Variants in FGGY observed in about 807,000 individuals in gnomAD.
FGGY encodes the protein FGGY carbohydrate kinase domain containing.
A neutral mutation model predicts 71.3 loss-of-function variants in FGGY; 72 were observed. The ratio of observed to expected loss-of-function variants is 1.01; its 90% CI spans 0.84 to 1.23. FGGY has a LOEUF of 1.23. Among genes scored for constraint, FGGY ranks in the 50% most tolerant of loss-of-function variants. The probability of loss-of-function intolerance (pLI) is 0.00; values close to 1 mark genes in which losing one functional copy is unlikely to be tolerated. For missense variants in FGGY, 668 were observed against 682.3 expected (o/e 0.98, Z 0.23); for synonymous variants, 251 against 250.3 (o/e 1.00, Z -0.02).
chr1:59,625,917 AAT>A, intron 9 of FGGY, 69 bp from the exon 10 acceptor site: 1 of 1,169,920 alleles, frequency 8.5e-7, no homozygotes, highest in Non-Finnish European at 1.2e-6. Context: ...TACTCATTTT[AAT>A]ATAAATTTTT....
chr1:59,487,545 G>A (rs149549410), intron 6 of FGGY, among the ~76,000 whole-genome samples: 1,839 of 152,182 alleles, frequency 0.012, 34 homozygotes, highest in African/African-American at 0.042. Flanking sequence ...CTTCTCACCC[G>A]CCTTCAGGAA....
intron 13 of FGGY, among the ~76,000 whole-genome samples, chr1:59,671,259 A>C (rs543642007): frequency 7.9e-5 from 12 of 152,278 alleles, no homozygotes; most frequent in African/African-American, 2.9e-4. Context: ...ACAGATACAC[A>C]CTCCAGTTAG....
intron 14 of FGGY, among the ~76,000 whole-genome samples, chr1:59,721,334 T>C (rs1259393854): frequency 1.2e-5 from 1 of 83,392 alleles, no homozygotes; most frequent in Non-Finnish European, 2.4e-5. Flanking sequence ...TTTTCTTTCC[T>C]TTGTTTTTTT....
At chr1:59,346,508 C>T in intron 4 of FGGY, 110 bp downstream of exon 4, 1 of 1,263,352 alleles carries the variant, frequency 7.9e-7, no homozygotes, top group South Asian at 1.5e-5. Flanking sequence ...TTGATTTTTC[C>T]CAGCAACTAG....
intron 5 of FGGY, among the ~76,000 whole-genome samples, chr1:59,446,521 G>A (rs541091551): frequency 1.2e-3 from 179 of 152,290 alleles, no homozygotes; most frequent in Middle Eastern, 0.01. Flanking sequence ...AAGCTGCTCC[G>A]ATTGGTGCAG....
chr1:59,301,775 G>A (rs1268769106), intron 1 of FGGY, among the ~76,000 whole-genome samples: 3 of 132,486 alleles, frequency 2.3e-5, no homozygotes, highest in East Asian at 2.3e-4. Context: ...GTGAAGTGGC[G>A]TGATCTCGGC....
At chr1:59,697,616 G>C (rs1313604572) in intron 14 of FGGY, 15 of 1,230,970 alleles carry the variant, frequency 1.2e-5, no homozygotes, top group African/African-American at 1.6e-5. Flanking sequence ...GAAGACTTTG[G>C]CGTGCTTAAC....
At chr1:59,721,000 C>T (rs1438464597) in intron 14 of FGGY, among the ~76,000 whole-genome samples, 1 of 152,156 alleles carries the variant, frequency 6.6e-6, no homozygotes, top group African/African-American at 2.4e-5. Context: ...CAGTTCCCTC[C>T]GTGTGGAATC....
chr1:59,337,161 T>C (rs2049768153), intron 2 of FGGY, among the ~76,000 whole-genome samples: 1 of 151,660 alleles, frequency 6.6e-6, no homozygotes, highest in Non-Finnish European at 1.5e-5. Flanking sequence ...GCCAGTAGTG[T>C]GGCTCAGTTC....
At chr1:59,440,023 C>G (rs1289085211) in intron 5 of FGGY, among the ~76,000 whole-genome samples, 1 of 150,880 alleles carries the variant, frequency 6.6e-6, no homozygotes, top group African/African-American at 2.4e-5. Context: ...ATCAACCATT[C>G]CCATCTCAGT....
At chr1:59,733,223 T>C (rs2098059661) in intron 14 of FGGY, 1 of 153,958 alleles carries the variant, frequency 6.5e-6, no homozygotes, top group South Asian at 2.0e-4. Context: ...GCATAAAGCC[T>C]AGCAAATGTG....
intron 5 of FGGY, among the ~76,000 whole-genome samples, chr1:59,433,918 T>G (rs2067896173): frequency 6.6e-6 from 1 of 152,246 alleles, no homozygotes; most frequent in Non-Finnish European, 1.5e-5. Flanking sequence ...CCTTCCCTGC[T>G]TTGCAGTGTT....
intron 6 of FGGY, among the ~76,000 whole-genome samples, chr1:59,482,356 C>A (rs898296967): frequency 1.3e-5 from 2 of 152,070 alleles, no homozygotes; most frequent in African/African-American, 4.8e-5. Context: ...AGCCTGTAGC[C>A]TTCATGGTAG....
intron 11 of FGGY, among the ~76,000 whole-genome samples, chr1:59,639,756 T>C (rs1048142164): frequency 6.6e-6 from 1 of 152,210 alleles, no homozygotes; most frequent in Admixed American, 6.5e-5. Context: ...TGGTCATTGC[T>C]CTGGAGGTCA....
At chr1:59,470,450 T>C (rs1187584480) in intron 6 of FGGY, among the ~76,000 whole-genome samples, 2 of 152,176 alleles carry the variant, frequency 1.3e-5, no homozygotes, top group Admixed American at 6.5e-5. Context: ...TGAACTCCAC[T>C]TCAGGACTGT....
At chr1:59,639,562 C>G (rs978439425) in intron 11 of FGGY, among the ~76,000 whole-genome samples, 3 of 152,180 alleles carry the variant, frequency 2.0e-5, no homozygotes, top group African/African-American at 7.2e-5. Flanking sequence ...TTCAGATAAC[C>G]AACTCTCTCT....
rs1328884680 is a variant in FGGY at position 59,762,672 on chromosome 1, ATTG to A, written c.*91_*93del. ...GATCCATGTTCAAGACCCTTGAGGT[ATTG>A]TTTCATCATTTCTGTATTGTCTTTC... On this transcript the variant is annotated 3_prime_UTR_variant, in exon 16 of 16. Transcript: ENST00000303721. 19 of 934,296 alleles carry A rather than the reference ATTG, an allele frequency of 2.0e-5. No homozygotes were observed. Among genetic ancestry groups the A allele is most frequent in the Non-Finnish European group, 3.0e-5 (18 of 599,138 alleles). 57.9% of individuals were successfully genotyped at this position (934,296 alleles called of 1,614,324 possible).
At chr1:59,519,192 G>A (rs1174035191) in intron 7 of FGGY, among the ~76,000 whole-genome samples, 1 of 152,188 alleles carries the variant, frequency 6.6e-6, no homozygotes, top group Admixed American at 6.5e-5. Context: ...GTGTTATAAA[G>A]AATGGCCTAC....
At chr1:59,408,514 C>G (rs2063103601) in intron 5 of FGGY, among the ~76,000 whole-genome samples, 2 of 152,104 alleles carry the variant, frequency 1.3e-5, no homozygotes, top group African/African-American at 4.8e-5. Context: ...TACCTGAAAA[C>G]CTACAGAGTT....
Sources: allele counts gnomAD v4.1 joint callset (sites outside exome capture counted in the v4.1 genomes callset), GRCh38; gene constraint gnomAD v4.1.1; transcripts MANE v1.5; gene names NCBI Gene and HGNC (gene_info 2026-07-23, HGNC 2026-07-21).